NUBPL: variants seen among roughly 807,000 people sequenced by gnomAD.
NUBPL encodes the protein iron-sulfur cluster transfer protein NUBPL.
A neutral mutation model predicts 45.7 loss-of-function variants in NUBPL; 31 were observed. The observed-to-expected ratio is 0.68, with a 90% CI of 0.51 to 0.92. NUBPL has a LOEUF of 0.92. NUBPL is among the 40% of genes least tolerant of loss of function. The pLI is 0.00. For synonymous variants in NUBPL, 144 were observed against 140.9 expected, an observed-to-expected ratio of 1.02 and a Z score of -0.15; for missense variants, 401 against 398.7, an observed-to-expected ratio of 1.01 and a Z score of -0.05.
chr14:31,686,466 A>G (rs923639033), intron 6 of NUBPL, among the ~76,000 whole-genome samples: 2 of 152,218 alleles, frequency 1.3e-5, no homozygotes, highest in Admixed American at 6.5e-5. Context: ...TTAGAAACTT[A>G]GGCTTTTCTA....
intron 4 of NUBPL, among the ~76,000 whole-genome samples, chr14:31,673,132 G>A (rs916861649): frequency 6.6e-6 from 1 of 152,184 alleles, no homozygotes; most frequent in African/African-American, 2.4e-5. Context: ...GAAAGAATAT[G>A]TGAGGTGATG....
At chr14:31,643,894 T>C (rs1477710452) in intron 4 of NUBPL, among the ~76,000 whole-genome samples, 2 of 152,080 alleles carry the variant, frequency 1.3e-5, no homozygotes, top group African/African-American at 2.4e-5. Context: ...TCCAGCAATT[T>C]ATCCGTTTCT....
Position 31,852,891 on chromosome 14 carries a change from C to G in NUBPL, c.897+2690C>G, listed in dbSNP as rs145534092. On this transcript the variant is annotated intron_variant, in intron 10 of 10. Coordinates refer to ENST00000281081, the MANE Select transcript of NUBPL (RefSeq NM_025152.3). ...GAAATGTGCTCTTAGAAACTAGTCA[C>G]AACGCTCTCACCAGATTCTGTTGTA... Among the ~76,000 whole-genome samples, 1,353 of 152,284 alleles carry G rather than the reference C, an allele frequency of 8.9e-3. 66 individuals carry two copies. Among genetic ancestry groups the G allele is most frequent in the Admixed American group, 0.078 (1,201 of 15,300 alleles).
intron 10 of NUBPL, among the ~76,000 whole-genome samples, chr14:31,850,792 ATT>A (rs112493562): frequency 6.8e-6 from 1 of 147,722 alleles, no homozygotes; most frequent in Middle Eastern, 3.4e-3. Context: ...TGCCCTGCTA[ATT>A]TTTTTTTTTA....
chr14:31,562,022 A>T (rs2033296386), intron 1 of NUBPL, 46 bp from the exon 2 acceptor site: 2 of 1,541,762 alleles, frequency 1.3e-6, no homozygotes, highest in East Asian at 4.9e-5. Context: ...GTGATGATGG[A>T]GATGGCTTAT....
At chr14:31,725,998 C>A (rs2037915155) in intron 6 of NUBPL, among the ~76,000 whole-genome samples, 2 of 152,092 alleles carry the variant, frequency 1.3e-5, no homozygotes, top group Non-Finnish European at 2.9e-5. Flanking sequence ...GTGTGAGCCA[C>A]CGTGCCTGGT....
At chr14:31,825,783 CTTCT>C (rs1172161996) in intron 7 of NUBPL, among the ~76,000 whole-genome samples, 1 of 146,240 alleles carries the variant, frequency 6.8e-6, no homozygotes, top group Non-Finnish European at 1.5e-5. Flanking sequence ...CCTCCTTTTT[CTTCT>C]TTCTTCATTT....
chr14:31,672,395 T>C (rs1360363121), intron 4 of NUBPL, among the ~76,000 whole-genome samples: 2 of 152,114 alleles, frequency 1.3e-5, no homozygotes, highest in Admixed American at 6.6e-5. Context: ...ATGAATAAAA[T>C]TGGACAAAAT....
rs1220554817 is a variant in NUBPL at position 31,860,089 on chromosome 14, G to A, written c.*909G>A. The A allele has an allele frequency of 6.6e-6, 1 of 151,976 alleles. No homozygotes were observed. The highest frequency in any genetic ancestry group is 1.5e-5 in the Non-Finnish European group (1 of 68,000). The allele number at this position is 151,976 out of a possible 1,614,324, so 9.4% of individuals were successfully genotyped here. ...GGAGGTTGAGGTGGGTGGATCATGAGGTCAGGAGTTCAAGACCAGCCTGAC... is the reference window on the plus strand; with the variant it reads ...GGAGGTTGAGGTGGGTGGATCATGAAGTCAGGAGTTCAAGACCAGCCTGAC... On this transcript the variant is annotated 3_prime_UTR_variant, in exon 11 of 11. Coordinates refer to ENST00000281081, the MANE Select transcript of NUBPL (RefSeq NM_025152.3).
intron 3 of NUBPL, among the ~76,000 whole-genome samples, chr14:31,598,670 G>T (rs751850650): frequency 9.2e-5 from 14 of 152,188 alleles, no homozygotes; most frequent in Non-Finnish European, 1.5e-4. Flanking sequence ...AGTTTTAGTT[G>T]TTTCTGAATC....
intron 6 of NUBPL, among the ~76,000 whole-genome samples, chr14:31,749,510 G>A (rs185769392): frequency 7.9e-5 from 12 of 152,252 alleles, no homozygotes; most frequent in Non-Finnish European, 2.9e-5. Flanking sequence ...TCACAGTTTA[G>A]ATGTATCATC....
chr14:31,777,957 A>G (rs1456101203), intron 6 of NUBPL, among the ~76,000 whole-genome samples: 1 of 152,194 alleles, frequency 6.6e-6, no homozygotes, highest in Non-Finnish European at 1.5e-5. Flanking sequence ...TGACCATTCC[A>G]AACAGAACCT....
intron 4 of NUBPL, among the ~76,000 whole-genome samples, chr14:31,653,593 T>A (rs1207405552): frequency 6.6e-6 from 1 of 152,198 alleles, no homozygotes; most frequent in Non-Finnish European, 1.5e-5. Flanking sequence ...TGAAAATCGC[T>A]GTTATTCTGT....
intron 7 of NUBPL, among the ~76,000 whole-genome samples, chr14:31,814,049 C>T (rs2039868085): frequency 2.0e-5 from 3 of 152,178 alleles, no homozygotes; most frequent in Admixed American, 2.0e-4. Context: ...GGTATATACC[C>T]AGCAATGGGA....
At chr14:31,793,119 C>A (rs1270837824) in intron 7 of NUBPL, among the ~76,000 whole-genome samples, 1 of 152,142 alleles carries the variant, frequency 6.6e-6, no homozygotes, top group Non-Finnish European at 1.5e-5. Context: ...ATCCCATAAA[C>A]AACATAAGCT....
intron 4 of NUBPL, among the ~76,000 whole-genome samples, chr14:31,603,312 AAAAAAG>A: frequency 6.7e-6 from 1 of 149,724 alleles, no homozygotes; most frequent in East Asian, 1.9e-4. Context: ...AAAAAAAAAA[AAAAAAG>A]AAAAAGAAAA....
At position 31,850,109 on chromosome 14, in the gene NUBPL, G is replaced by A; in HGVS notation, c.815-10G>A. 1 of 1,608,386 alleles carries A rather than the reference G, an allele frequency of 6.2e-7. No homozygotes were observed. The highest frequency in any genetic ancestry group is 8.5e-7 in the Non-Finnish European group (1 of 1,174,938). On this transcript the variant is annotated splice_polypyrimidine_tract_variant and intron_variant, in intron 9 of 10. Coordinates refer to ENST00000281081, the MANE Select transcript of NUBPL (RefSeq NM_025152.3). ...TCTGGTTCTAATGGATGTCTGCTGG[G>A]CTCTTTTAGGAGACATTCCCTTACA...
At chr14:31,583,563 A>G (rs974249317) in intron 3 of NUBPL, among the ~76,000 whole-genome samples, 1 of 152,224 alleles carries the variant, frequency 6.6e-6, no homozygotes, top group Non-Finnish European at 1.5e-5. Flanking sequence ...TCCCCCAGTG[A>G]GTAATACTAA....
At position 31,673,350 on chromosome 14, in the gene NUBPL, TCCAG is replaced by T; in HGVS notation, c.383-4_383-1del. Reference sequence around the variant, plus strand: ...TCTAAAAGAGAGGATTTTTTTTTTTTCCAGGCAACCTAATGAGGCCTCTCTTGAA... The same window carrying T: ...TCTAAAAGAGAGGATTTTTTTTTTTTGCAACCTAATGAGGCCTCTCTTGAA... On this transcript the variant is annotated splice_acceptor_variant and splice_polypyrimidine_tract_variant and intron_variant, in intron 4 of 10. Transcript: ENST00000281081. LOFTEE classifies it high-confidence loss of function. 3.1e-6 allele frequency: 5 copies of T among 1,599,936 alleles called. No homozygotes were observed. Among genetic ancestry groups the T allele is most frequent in the Admixed American group, 3.4e-5 (2 of 59,140 alleles).
Sources: allele counts gnomAD v4.1 joint callset (sites outside exome capture counted in the v4.1 genomes callset), GRCh38; gene constraint gnomAD v4.1.1; transcripts MANE v1.5; gene names NCBI Gene and HGNC (gene_info 2026-07-23, HGNC 2026-07-21).